The following PRKG1 variants were observed in gnomAD, a reference collection of about 807,000 sequenced individuals.
PRKG1 encodes the protein protein kinase cGMP-dependent 1.
Under a neutral mutation model 88.1 loss-of-function variants are expected in PRKG1, and 35 were observed. The observed-to-expected ratio is 0.40, with a 90% CI of 0.30 to 0.53. The LOEUF (loss-of-function observed/expected upper bound fraction) is 0.53, where lower values mean the gene tolerates loss of function less well. Among genes scored for constraint, PRKG1 ranks in the 20% least tolerant of loss-of-function variants. The probability of loss-of-function intolerance (pLI) is 0.59; values close to 1 mark genes in which losing one functional copy is unlikely to be tolerated. For missense variants in PRKG1, 540 were observed against 839.8 expected (o/e 0.64, Z 4.41); for synonymous variants, 303 against 292.5 (o/e 1.04, Z -0.37).
At chr10:51,076,663 T>C (rs562344430) in intron 1 of PRKG1, among the ~76,000 whole-genome samples, 1 of 152,276 alleles carries the variant, frequency 6.6e-6, no homozygotes, top group East Asian at 1.9e-4. Flanking sequence ...TTCTAGGCAG[T>C]AGGGAATGAG....
intron 2 of PRKG1, among the ~76,000 whole-genome samples, chr10:51,264,673 T>C (rs976609512): frequency 3.3e-5 from 5 of 152,116 alleles, no homozygotes; most frequent in African/African-American, 1.2e-4. Context: ...GGCATGGGGA[T>C]ATGGCATGGG....
At chr10:51,714,133 C>T (rs1034204173) in intron 3 of PRKG1, among the ~76,000 whole-genome samples, 2 of 152,140 alleles carry the variant, frequency 1.3e-5, no homozygotes, top group Non-Finnish European at 1.5e-5. Flanking sequence ...GCGCCCGCCA[C>T]CAAGCCCGGT....
At chr10:51,142,007 A>G (rs1037186252) in intron 1 of PRKG1, among the ~76,000 whole-genome samples, 1 of 152,092 alleles carries the variant, frequency 6.6e-6, no homozygotes, top group South Asian at 2.1e-4. Context: ...TTTATTTGAA[A>G]TTCAAATACA....
intron 3 of PRKG1, among the ~76,000 whole-genome samples, chr10:51,497,898 C>T (rs749248515): frequency 5.9e-5 from 9 of 152,058 alleles, no homozygotes; most frequent in Non-Finnish European, 1.0e-4. Flanking sequence ...AGGCATGGTT[C>T]CATCTGGATG....
chr10:51,156,176 G>C (rs1904692), intron 2 of PRKG1, among the ~76,000 whole-genome samples: 2 of 151,454 alleles, frequency 1.3e-5, no homozygotes, highest in African/African-American at 4.9e-5. Context: ...TTGATATCCC[G>C]TAGCTTAAAT....
At chr10:51,082,123 A>G (rs558765636) in intron 1 of PRKG1, among the ~76,000 whole-genome samples, 2 of 152,150 alleles carry the variant, frequency 1.3e-5, no homozygotes, top group South Asian at 4.1e-4. Flanking sequence ...TCCCAATTTC[A>G]CAGCATGAGA....
At chr10:52,267,403 A>G (rs1841602590) in intron 10 of PRKG1, among the ~76,000 whole-genome samples, 1 of 152,078 alleles carries the variant, frequency 6.6e-6, no homozygotes, top group Non-Finnish European at 1.5e-5. Context: ...AGATTCAGAC[A>G]ATAATAATAA....
At chr10:51,415,028 A>G (rs889661793) in intron 2 of PRKG1, among the ~76,000 whole-genome samples, 1 of 152,244 alleles carries the variant, frequency 6.6e-6, no homozygotes, top group Admixed American at 6.5e-5. Context: ...AATTATTACA[A>G]CAATCTTATA....
At chr10:51,493,536 A>AAT (rs1435225772) in intron 3 of PRKG1, among the ~76,000 whole-genome samples, 6 of 152,214 alleles carry the variant, frequency 3.9e-5, no homozygotes, top group Middle Eastern at 3.2e-3. Flanking sequence ...AAACAGACAC[A>AAT]ACATACTATA....
At chr10:51,573,526 A>G (rs886633686) in intron 3 of PRKG1, among the ~76,000 whole-genome samples, 5 of 151,918 alleles carry the variant, frequency 3.3e-5, no homozygotes, top group Admixed American at 3.3e-4. Flanking sequence ...AGTGAATTCA[A>G]GAAGAAACAA....
At chr10:52,100,823 C>T (rs1280088318) in intron 7 of PRKG1, among the ~76,000 whole-genome samples, 1 of 152,086 alleles carries the variant, frequency 6.6e-6, no homozygotes, top group Non-Finnish European at 1.5e-5. Flanking sequence ...TTATTACTAA[C>T]TGGAGTTTTA....
At chr10:51,541,959 G>T (rs1842314481) in intron 3 of PRKG1, among the ~76,000 whole-genome samples, 1 of 152,012 alleles carries the variant, frequency 6.6e-6, no homozygotes, top group Non-Finnish European at 1.5e-5. Flanking sequence ...AAGATATCTT[G>T]CCAAACTTCT....
intron 9 of PRKG1, among the ~76,000 whole-genome samples, chr10:52,162,742 T>A (rs1359162413): frequency 6.6e-6 from 1 of 152,168 alleles, no homozygotes; most frequent in East Asian, 1.9e-4. Context: ...TCCATGAAGA[T>A]TAAAAATTTG....
At chr10:51,587,874 A>G (rs1400722021) in intron 3 of PRKG1, among the ~76,000 whole-genome samples, 2 of 152,202 alleles carry the variant, frequency 1.3e-5, no homozygotes, top group Non-Finnish European at 2.9e-5. Context: ...GAGACAATGG[A>G]CATACTAAGA....
chr10:52,022,325 A>T (rs1043173403), intron 5 of PRKG1, among the ~76,000 whole-genome samples: 1 of 152,236 alleles, frequency 6.6e-6, no homozygotes, highest in Admixed American at 6.5e-5. Context: ...ATCGTAAGTC[A>T]CAGAGCCTCT....
At chr10:51,181,487 C>T (rs371002306) in intron 2 of PRKG1, among the ~76,000 whole-genome samples, 4 of 150,882 alleles carry the variant, frequency 2.7e-5, no homozygotes, top group South Asian at 2.1e-4. Flanking sequence ...ATGATCCACC[C>T]GCCTCGGCCT....
intron 3 of PRKG1, among the ~76,000 whole-genome samples, chr10:51,775,742 G>A (rs561663803): frequency 1.1e-4 from 17 of 151,842 alleles, no homozygotes; most frequent in South Asian, 6.2e-4. Flanking sequence ...CCACCACCAC[G>A]GCCGGCTAAT....
intron 1 of PRKG1, among the ~76,000 whole-genome samples, chr10:51,011,441 TAACG>T: frequency 6.6e-6 from 1 of 152,132 alleles, no homozygotes; most frequent in Non-Finnish European, 1.5e-5. Context: ...AAAAAATGTT[TAACG>T]AAGAATTAAT....
intron 5 of PRKG1, among the ~76,000 whole-genome samples, chr10:51,991,006 G>T (rs1029875056): frequency 6.6e-6 from 1 of 151,784 alleles, no homozygotes; most frequent in Non-Finnish European, 1.5e-5. Context: ...GCTACTTTTC[G>T]ATTTCTTTCC....
Sources: gnomAD v4.1 joint callset for allele counts (sites outside exome capture counted in the v4.1 genomes callset) on GRCh38, gnomAD v4.1.1 for gene constraint, MANE v1.5 for transcripts, NCBI Gene and HGNC (gene_info 2026-07-23, HGNC 2026-07-21) for gene names.